FAF1: variants seen among roughly 807,000 people sequenced by gnomAD.
FAF1 encodes FAS-associated factor 1.
In FAF1, 25 loss-of-function variants were observed where a neutral mutation model predicts 92.5. That is an observed-to-expected ratio of 0.27 (90% confidence interval 0.20 to 0.38). The LOEUF (loss-of-function observed/expected upper bound fraction) is 0.38, where lower values mean the gene tolerates loss of function less well. Among genes scored for constraint, FAF1 ranks in the 10% least tolerant of loss-of-function variants. The probability of loss-of-function intolerance (pLI) is 1.00; values close to 1 mark genes in which losing one functional copy is unlikely to be tolerated. For synonymous variants in FAF1, 234 were observed against 273.2 expected (o/e 0.86, Z 1.42); for missense variants, 636 against 793.3 (o/e 0.80, Z 2.38).
At chr1:50,527,860 C>CCTCCCTCTCTCT (rs1647911013) in intron 15 of FAF1, among the ~76,000 whole-genome samples, 2 of 61,102 alleles carry the variant, frequency 3.3e-5, no homozygotes, top group Admixed American at 1.6e-4. Context: ...TCCCTCTCTC[C>CCTCCCTCTCTCT]CTCTCTCCCT....
chr1:50,447,461 AG>A (rs1646243047), intron 18 of FAF1, among the ~76,000 whole-genome samples: 1 of 152,194 alleles, frequency 6.6e-6, no homozygotes. Flanking sequence ...CATTTGAGAA[AG>A]TTCCAGCATC....
intron 8 of FAF1, among the ~76,000 whole-genome samples, chr1:50,650,074 C>T (rs909343760): frequency 6.7e-6 from 1 of 148,862 alleles, no homozygotes; most frequent in African/African-American, 2.5e-5. Context: ...CACCTGAGGT[C>T]GGGAGTTCGA....
intron 18 of FAF1, among the ~76,000 whole-genome samples, chr1:50,458,627 T>A (rs1226099246): frequency 6.6e-6 from 1 of 152,234 alleles, no homozygotes; most frequent in Non-Finnish European, 1.5e-5. Flanking sequence ...TGTGCACTTC[T>A]TTCATCTGGT....
chr1:50,937,312 T>A lies in FAF1; in HGVS notation c.45+22455A>T, dbSNP rs533009116. On this transcript the variant is annotated intron_variant, in intron 1 of 18. Transcript: ENST00000396153. ...AGTGTTTCATTGACAGACAAGCACA[T>A]CCAGAGGGGAGCTAAGTAGTAAGAG... Among the ~76,000 whole-genome samples the A allele has an allele frequency of 3.3e-5, 5 of 152,114 alleles. No individual in the cohort carries two copies. In the East Asian group the frequency reaches 9.7e-4, roughly 29 times the overall value.
At chr1:50,699,461 A>T (rs1657375085) in intron 7 of FAF1, among the ~76,000 whole-genome samples, 1 of 152,118 alleles carries the variant, frequency 6.6e-6, no homozygotes, top group South Asian at 2.1e-4. Flanking sequence ...TACAACTGCA[A>T]TTCACACTTA....
At chr1:50,667,138 A>C (rs967059723) in intron 7 of FAF1, among the ~76,000 whole-genome samples, 1 of 152,238 alleles carries the variant, frequency 6.6e-6, no homozygotes, top group Admixed American at 6.5e-5. Flanking sequence ...CACATCTGAG[A>C]AAGATGGCAA....
At chr1:50,657,595 T>A (rs1655182772) in intron 7 of FAF1, among the ~76,000 whole-genome samples, 1 of 152,206 alleles carries the variant, frequency 6.6e-6, no homozygotes, top group Admixed American at 6.5e-5. Context: ...AATAGGGTTC[T>A]TCATACTTCA....
intron 2 of FAF1, among the ~76,000 whole-genome samples, chr1:50,856,275 G>A (rs1644389874): frequency 6.6e-6 from 1 of 151,608 alleles, no homozygotes; most frequent in Admixed American, 6.6e-5. Flanking sequence ...ACTTCCATCA[G>A]CCTCTCTAAT....
At chr1:50,590,909 G>C (rs1177734130) in intron 9 of FAF1, among the ~76,000 whole-genome samples, 1 of 151,764 alleles carries the variant, frequency 6.6e-6, no homozygotes, top group South Asian at 2.1e-4. Flanking sequence ...TTGAACCCAG[G>C]AGGCGGAGGT....
intron 13 of FAF1, among the ~76,000 whole-genome samples, chr1:50,555,322 A>G (rs747718141): frequency 6.6e-5 from 10 of 152,032 alleles, no homozygotes; most frequent in Admixed American, 1.3e-4. Context: ...AAAGCTTCTA[A>G]AAAGCTTCTG....
rs1654007499 is a variant in FAF1 at position 50,636,372 on chromosome 1, G to A, written c.744+19070C>T. 4.1e-5 allele frequency among the ~76,000 whole-genome samples: 6 copies of A among 147,210 alleles called. No individual in the cohort carries two copies. The Admixed American group carries it at 4.1e-4, about 10-fold the overall frequency. On this transcript the variant is annotated intron_variant, in intron 8 of 18. Transcript: ENST00000396153. The stretch of plus-strand genomic sequence containing the variant: ...AATTTGTATTTTCTCTTAGTTTGGG[G>A]CGTGTCCTTTTTTTTTTTTTTTTTT...
Position 50,441,201 on chromosome 1 carries a change from G to A in FAF1, c.*239C>T, listed in dbSNP as rs967312818. On this transcript the variant is annotated 3_prime_UTR_variant, in exon 19 of 19. Coordinates refer to ENST00000396153, the MANE Select transcript of FAF1 (RefSeq NM_007051.3). Reference sequence around the variant, plus strand: ...TCATTGAAGGAGGGTGAAGTGCAGGGGGTAGGGGAGGGTGGCAGAGTTGTA... The same window carrying A: ...TCATTGAAGGAGGGTGAAGTGCAGGAGGTAGGGGAGGGTGGCAGAGTTGTA... 2 of 424,978 alleles carry A rather than the reference G, an allele frequency of 4.7e-6. No homozygotes were observed. The highest frequency in any genetic ancestry group is 8.4e-6 in the Non-Finnish European group (2 of 238,370). 26.3% of individuals were successfully genotyped at this position (424,978 alleles called of 1,614,324 possible). A position where few individuals can be genotyped will look rare whatever the true frequency, so the allele number is the denominator to read the frequency against.
At chr1:50,759,336 G>A (rs980662056) in intron 4 of FAF1, among the ~76,000 whole-genome samples, 4 of 127,638 alleles carry the variant, frequency 3.1e-5, no homozygotes, top group Non-Finnish European at 6.2e-5. Context: ...AGAGTGTGAT[G>A]TTCCCCTTCC....
At chr1:50,659,585 T>C (rs1655281438) in intron 7 of FAF1, among the ~76,000 whole-genome samples, 1 of 152,146 alleles carries the variant, frequency 6.6e-6, no homozygotes, top group Non-Finnish European at 1.5e-5. Flanking sequence ...CTTTTTGTCT[T>C]ACACATTTTT....
At chr1:50,814,529 T>C (rs1288295619) in intron 2 of FAF1, among the ~76,000 whole-genome samples, 7 of 152,262 alleles carry the variant, frequency 4.6e-5, no homozygotes, top group African/African-American at 1.4e-4. Flanking sequence ...AAAAACATTA[T>C]AGATATTCAA....
chr1:50,866,859 G>A (rs562389263), intron 1 of FAF1, among the ~76,000 whole-genome samples: 4 of 151,944 alleles, frequency 2.6e-5, no homozygotes, highest in African/African-American at 9.6e-5. Context: ...ATATGAAACC[G>A]AAAAAGTGAC....
At chr1:50,792,902 AG>A (rs1400721442) in intron 3 of FAF1, among the ~76,000 whole-genome samples, 1 of 152,338 alleles carries the variant, frequency 6.6e-6, no homozygotes, top group East Asian at 1.9e-4. Flanking sequence ...CAGCATGGAC[AG>A]AAAGTGGCAA....
intron 2 of FAF1, among the ~76,000 whole-genome samples, chr1:50,848,568 C>T (rs547565824): frequency 2.0e-5 from 3 of 152,194 alleles, no homozygotes; most frequent in Non-Finnish European, 4.4e-5. Context: ...TGGTAACTCT[C>T]CATTGGAGAA....
intron 1 of FAF1, among the ~76,000 whole-genome samples, chr1:50,940,392 A>G (rs1645121847): frequency 6.6e-6 from 1 of 152,270 alleles, no homozygotes; most frequent in African/African-American, 2.4e-5. Context: ...AACAAAGTTC[A>G]CATGTATCAA....
Sources: allele counts gnomAD v4.1 joint callset (sites outside exome capture counted in the v4.1 genomes callset), GRCh38; gene constraint gnomAD v4.1.1; transcripts MANE v1.5; gene names NCBI Gene and HGNC (gene_info 2026-07-23, HGNC 2026-07-21).